Variants in AGBL1 observed in about 807,000 individuals in gnomAD.
The protein encoded by AGBL1 is AGBL carboxypeptidase 1, also known as cytosolic carboxypeptidase 4.
AGBL1 carries 130 observed loss-of-function variants against 118.9 expected under a neutral mutation model. That is an observed-to-expected ratio of 1.09 (90% CI 0.95 to 1.26). The LOEUF (loss-of-function observed/expected upper bound fraction) is 1.26. Ranked by LOEUF, AGBL1 falls within the 50% of genes most tolerant of loss-of-function variation. The pLI is 0.00. For missense variants in AGBL1, 1,584 were observed against 1,298.1 expected (o/e 1.22, Z -3.38); for synonymous variants, 555 against 478.9 (o/e 1.16, Z -2.08).
chr15:86,679,786 T>C (rs982407865), intron 22 of AGBL1, among the ~76,000 whole-genome samples: 1 of 152,154 alleles, frequency 6.6e-6, no homozygotes, highest in Non-Finnish European at 1.5e-5. Flanking sequence ...TATCAAAAGA[T>C]TCTTTAGTAT....
At chr15:86,184,429 C>CTT (rs199807402) in intron 5 of AGBL1, among the ~76,000 whole-genome samples, 44 of 144,490 alleles carry the variant, frequency 3.0e-4, no homozygotes, top group African/African-American at 1.0e-3. Flanking sequence ...TTTCTTTTTT[C>CTT]TTTCTTTTTT....
intron 7 of AGBL1, among the ~76,000 whole-genome samples, chr15:86,248,441 C>T (rs774834237): frequency 6.6e-6 from 1 of 152,210 alleles, no homozygotes; most frequent in Non-Finnish European, 1.5e-5. Context: ...AGTGTTGACT[C>T]TAGAACTAGA....
At chr15:86,795,057 G>C (rs565696359) in intron 22 of AGBL1, among the ~76,000 whole-genome samples, 1 of 152,304 alleles carries the variant, frequency 6.6e-6, no homozygotes, top group East Asian at 1.9e-4. Context: ...TTCAGGCTCA[G>C]GGCCATCTGC....
chr15:86,268,919 T>C (rs2079114036), intron 13 of AGBL1, among the ~76,000 whole-genome samples: 1 of 152,224 alleles, frequency 6.6e-6, no homozygotes, highest in Non-Finnish European at 1.5e-5. Context: ...ATTTTCCTTT[T>C]CATAAGAGCA....
At position 86,279,644 on chromosome 15, in the gene AGBL1, AT is replaced by A; in HGVS notation, c.2083del (p.Tyr695IlefsTer46). 1 of 1,613,234 alleles carries A rather than the reference AT, an allele frequency of 6.2e-7. No individual in the cohort carries two copies. Among genetic ancestry groups the A allele is most frequent in the Non-Finnish European group, 8.5e-7 (1 of 1,179,430 alleles). On this transcript the variant is annotated frameshift_variant, in exon 16 of 23. Coordinates refer to ENST00000614907, the MANE Select transcript of AGBL1 (RefSeq NM_001386094.1). LOFTEE classifies it high-confidence loss of function. ...TTCTCCTCCTCTCTCTTTAGAAATC[AT>A]TATCGCCAGAGTACAGCTGTTGCAG... is the stretch of plus-strand genomic sequence containing the variant. ...TGHEICYYKN[H>X]YRQSTAVAGG...
intron 23 of AGBL1, among the ~76,000 whole-genome samples, chr15:86,953,240 T>C (rs955234072): frequency 6.6e-6 from 1 of 152,186 alleles, no homozygotes; most frequent in Non-Finnish European, 1.5e-5. Context: ...GTTAAATCTA[T>C]AAATTGCTTT....
intron 5 of AGBL1, among the ~76,000 whole-genome samples, chr15:86,185,787 A>T (rs1014659562): frequency 6.6e-6 from 1 of 152,202 alleles, no homozygotes. Context: ...GGATAGCATT[A>T]GGAGATATAC....
intron 21 of AGBL1, among the ~76,000 whole-genome samples, chr15:86,670,863 G>A (rs2085735748): frequency 1.3e-5 from 2 of 151,796 alleles, no homozygotes; most frequent in African/African-American, 4.8e-5. Context: ...TTGTCTTACA[G>A]ATATCTAACA....
intron 1 of AGBL1, among the ~76,000 whole-genome samples, chr15:86,096,940 A>G (rs1896414275): frequency 6.6e-6 from 1 of 152,138 alleles, no homozygotes. Flanking sequence ...TAGCCCACTT[A>G]TCTTGGGACA....
At chr15:86,713,368 C>A (rs1179925566) in intron 22 of AGBL1, among the ~76,000 whole-genome samples, 10 of 152,050 alleles carry the variant, frequency 6.6e-5, no homozygotes, top group Non-Finnish European at 2.9e-5. Flanking sequence ...CAAACAGGGC[C>A]TCCTTACTTT....
intron 17 of AGBL1, among the ~76,000 whole-genome samples, chr15:86,338,278 G>A (rs1157735521): frequency 6.6e-6 from 1 of 152,150 alleles, no homozygotes; most frequent in Non-Finnish European, 1.5e-5. Flanking sequence ...CCCCGAGACA[G>A]GAATGTGCTT....
At chr15:86,845,018 C>A (rs2079299418) in intron 22 of AGBL1, among the ~76,000 whole-genome samples, 1 of 152,102 alleles carries the variant, frequency 6.6e-6, no homozygotes. Context: ...AGAATTTATT[C>A]TAATCTTTGA....
At chr15:86,139,681 T>C (rs1680545867) in intron 1 of AGBL1, among the ~76,000 whole-genome samples, 1 of 152,144 alleles carries the variant, frequency 6.6e-6, no homozygotes, top group South Asian at 2.1e-4. Flanking sequence ...CTTCTCAGAA[T>C]AGGAGTTAGA....
At chr15:86,994,440 A>G (rs2081362088) in intron 24 of AGBL1, among the ~76,000 whole-genome samples, 1 of 151,974 alleles carries the variant, frequency 6.6e-6, no homozygotes, top group Non-Finnish European at 1.5e-5. Context: ...ATAGTTAGAA[A>G]AGAGAGAGAG....
At chr15:86,435,968 T>C (rs1426013139) in intron 18 of AGBL1, among the ~76,000 whole-genome samples, 1 of 152,166 alleles carries the variant, frequency 6.6e-6, no homozygotes, top group Non-Finnish European at 1.5e-5. Flanking sequence ...TTAACTTAAA[T>C]TTCTTCTCAC....
intron 22 of AGBL1, among the ~76,000 whole-genome samples, chr15:86,904,410 T>C (rs985689903): frequency 4.6e-5 from 7 of 150,744 alleles, no homozygotes; most frequent in African/African-American, 1.7e-4. Flanking sequence ...TAAAAATACT[T>C]CTCCATCTTT....
At position 86,712,656 on chromosome 15, in the gene AGBL1, T is replaced by G. The variant is rs2086579020; in HGVS notation, c.3158+38220T>G. Reference sequence around the variant, plus strand: ...GCAGTGATGGAAAGAGCTAAAATGCTGTCAGCTTGTGTTCAGAGGGCTATT... The same window carrying G: ...GCAGTGATGGAAAGAGCTAAAATGCGGTCAGCTTGTGTTCAGAGGGCTATT... On this transcript the variant is annotated intron_variant, in intron 22 of 22. Coordinates refer to ENST00000614907, the MANE Select transcript of AGBL1 (RefSeq NM_001386094.1). Among the ~76,000 whole-genome samples the G allele has an allele frequency of 2.0e-5, 3 of 152,218 alleles. No homozygotes were observed. In the South Asian group the frequency reaches 6.2e-4, roughly 32 times the overall value.
chr15:86,761,411 T>C (rs2078022221), intron 22 of AGBL1, among the ~76,000 whole-genome samples: 1 of 152,100 alleles, frequency 6.6e-6, no homozygotes, highest in Non-Finnish European at 1.5e-5. Context: ...ATCTAAGTTC[T>C]GTAGGTCCTG....
chr15:86,964,008 A>ACTCTCTCTCTCTCTCTCTCTCT (rs71460234), intron 23 of AGBL1, among the ~76,000 whole-genome samples: 9 of 139,468 alleles, frequency 6.5e-5, no homozygotes, highest in African/African-American at 2.1e-4. Context: ...GAGCCAGGAA[A>ACTCTCTCTCTCTCTCTCTCTCT]CTCTCTCTCT....
Sources: gnomAD v4.1 joint callset for allele counts (sites outside exome capture counted in the v4.1 genomes callset) on GRCh38, gnomAD v4.1.1 for gene constraint, MANE v1.5 for transcripts, NCBI Gene and HGNC (gene_info 2026-07-23, HGNC 2026-07-21) for gene names.